Variants in RGS2 observed in about 807,000 individuals in gnomAD.
RGS2 encodes regulator of G protein signaling 2, also known as G0 to G1 switch regulatory 8, 24kD.
In RGS2, 20 loss-of-function variants were observed where a neutral mutation model predicts 26.6. The observed-to-expected ratio is 0.75, with a 90% CI of 0.53 to 1.09. The LOEUF (loss-of-function observed/expected upper bound fraction) is 1.09. RGS2 is among the 50% of genes least tolerant of loss of function. RGS2 has a pLI of 0.00. For missense variants in RGS2, 246 were observed against 245.5 expected (o/e 1.00, Z -0.01); for synonymous variants, 97 against 79.9 (o/e 1.21, Z -1.14).
intron 4 of RGS2, 29 bp from the exon 5 acceptor site, chr1:192,811,373 A>G: frequency 6.4e-7 from 1 of 1,572,340 alleles, no homozygotes; most frequent in Non-Finnish European, 8.7e-7. Context: ...TCTGAATACC[A>G]AATAAACAAC....
At chr1:192,809,277 T>C in intron 1 of RGS2, 96 bp downstream of exon 1, 2 of 894,576 alleles carry the variant, frequency 2.2e-6, no homozygotes, top group African/African-American at 1.6e-5. Context: ...GTTAGGAAAC[T>C]AGCCTGAGCC....
chr1:192,811,387 T>C lies in RGS2; in HGVS notation c.442-15T>C. 1 of 1,596,900 alleles carries C rather than the reference T, an allele frequency of 6.3e-7. No homozygotes were observed. Among genetic ancestry groups the C allele is most frequent in the Non-Finnish European group, 8.6e-7 (1 of 1,166,238 alleles). On this transcript the variant is annotated splice_polypyrimidine_tract_variant and intron_variant, in intron 4 of 4. Coordinates refer to ENST00000235382, the MANE Select transcript of RGS2 (RefSeq NM_002923.4). ...CTCTGAATACCAAATAAACAACTTT[T>C]TTGTTTTATTTCAGATAAACATAGA... is the stretch of plus-strand genomic sequence containing the variant.
In RGS2 at chr1:192,811,053, G is replaced by A; in HGVS notation, c.347G>A (p.Cys116Tyr). The change falls in exon 4 of 5, where the codon TGT becomes TAT. Residue 116 changes from cysteine to tyrosine, a missense_variant. Transcript: ENST00000235382. ...CEENIEFWLA[C>Y]EDFKKTKSPQ... ...GAAAATATTGAATTCTGGCTGGCCT[G>A]TGAAGACTTCAAAAAAACCAAATCA... 1.2e-6 allele frequency: 2 copies of A among 1,614,116 alleles called. No homozygotes were observed. The highest frequency in any genetic ancestry group is 1.7e-6 in the Non-Finnish European group (2 of 1,180,004).
chr1:192,810,248 A>G lies in RGS2; in HGVS notation c.193A>G (p.Lys65Glu), dbSNP rs1214390885. ...GAAGCCCAAAACCGGCAAAAAAAGCAAACAGCAAGCTTTCATCAAGTAAGT... is the reference window on the plus strand; with the variant it reads ...GAAGCCCAAAACCGGCAAAAAAAGCGAACAGCAAGCTTTCATCAAGTAAGT... ...PGKPKTGKKS[K>E]QQAFIKPSPE... The change falls in exon 2 of 5, where the codon AAA (lysine) becomes GAA (glutamate). Residue 65 changes from lysine to glutamate, a missense_variant. Lys to Glu is a moderately conservative substitution (Grantham distance 56, BLOSUM62 1). Transcript: ENST00000235382. 2 of 1,613,966 alleles carry G rather than the reference A, an allele frequency of 1.2e-6. No individual in the cohort carries two copies. The highest frequency in any genetic ancestry group is 1.1e-5 in the South Asian group (1 of 91,084).
At position 192,811,255 on chromosome 1, in the gene RGS2, A is replaced by G. The variant is rs1004700506; in HGVS notation, c.441+108A>G. The G allele has an allele frequency of 8.8e-6, 12 of 1,368,698 alleles. No homozygotes were observed. In the African/African-American group the frequency reaches 1.6e-4, roughly 18 times the overall value. 84.8% of individuals were successfully genotyped at this position (1,368,698 alleles called of 1,614,324 possible). ...GCTAGGAGGGGTAAAAAGTCCCTCC[A>G]CGTTGTAGCTTTCAGTTATGTTAAA... is the stretch of plus-strand genomic sequence containing the variant. On this transcript the variant is annotated intron_variant, in intron 4 of 4. Coordinates refer to ENST00000235382, the MANE Select transcript of RGS2 (RefSeq NM_002923.4).
At chr1:192,810,051 T>G (rs1665558984) in intron 1 of RGS2, 115 bp from the exon 2 acceptor site, 2 of 720,236 alleles carry the variant, frequency 2.8e-6, no homozygotes, top group African/African-American at 1.7e-5. Context: ...TTGCTTTGCC[T>G]TATGCGGTTT....
intron 2 of RGS2, 31 bp from the exon 3 acceptor site, chr1:192,810,339 C>T: frequency 1.2e-6 from 2 of 1,610,164 alleles, no homozygotes; most frequent in South Asian, 2.2e-5. Context: ...CTCTGATGTG[C>T]GTAAGCTAAC....
rs183691150 is a variant in RGS2 at position 192,810,384 on chromosome 1, A to C, written c.227A>C (p.Glu76Ala). 1 of 1,614,210 alleles carries C rather than the reference A, an allele frequency of 6.2e-7. No individual in the cohort carries two copies. The highest frequency in any genetic ancestry group is 2.2e-5 in the East Asian group (1 of 44,880). ...CTCTCTTGCAGGCCTTCTCCTGAGG[A>C]AGCACAGCTGTGGTCAGAAGCATTT... is the stretch of plus-strand genomic sequence containing the variant. ...QQAFIKPSPEEAQLWSEAFDE... is the reference protein window; with the variant it reads ...QQAFIKPSPEAAQLWSEAFDE... Residue 76 changes from glutamate (E) to alanine (A), a missense_variant, in exon 3 of 5, where the codon GAA becomes GCA. Glu to Ala is a moderately radical substitution (Grantham distance 107). Transcript: ENST00000235382.
intron 4 of RGS2, 80 bp downstream of exon 4, chr1:192,811,227 C>T (rs776436392): frequency 2.3e-5 from 35 of 1,551,494 alleles, no homozygotes; most frequent in South Asian, 1.2e-4. Context: ...AAGGACAAAG[C>T]GGGCTAGGAG....
intron 3 of RGS2, 70 bp from the exon 4 acceptor site, chr1:192,810,911 A>G: frequency 2.1e-6 from 3 of 1,399,912 alleles, no homozygotes; most frequent in Non-Finnish European, 3.0e-6. Flanking sequence ...GAGGGATAGG[A>G]GAAACATAAG....
At chr1:192,810,475 G>T in intron 3 of RGS2, 44 bp downstream of exon 3, 1 of 1,576,386 alleles carries the variant, frequency 6.3e-7, no homozygotes, top group Non-Finnish European at 8.7e-7. Context: ...CATCGCAAAA[G>T]CCTGGAAAGG....
In RGS2 at chr1:192,810,168, T is replaced by G. The variant is rs1665561292; in HGVS notation, c.113T>G (p.Leu38Ter). 6.3e-7 allele frequency: 1 copy of G among 1,592,930 alleles called. No homozygotes were observed. Among genetic ancestry groups the G allele is most frequent in the Non-Finnish European group, 8.6e-7 (1 of 1,160,682 alleles). ...EKREKMKRTL[L>*]KDWKTRLSYF... The stretch of plus-strand genomic sequence containing the variant: ...ATCTTTTTAATTTTTTGTTTTAGTT[T>G]AAAAGATTGGAAGACCCGTTTGAGC... The change falls in exon 2 of 5, where the codon TTA becomes TGA. Residue 38 changes from leucine to a stop codon, truncating the protein, a stop_gained and splice_region_variant. Coordinates refer to ENST00000235382, the MANE Select transcript of RGS2 (RefSeq NM_002923.4). LOFTEE classifies it high-confidence loss of function.
rs749978129 is a variant in RGS2, at chr1:192,811,056, A to T, written c.350A>T (p.Glu117Val). Residue 117 changes from glutamate (E) to valine (V), a missense_variant, in exon 4 of 5, where the codon GAA becomes GTA. Physicochemically the swap from Glu to Val is moderately radical, Grantham distance 121 (BLOSUM62 -2). Coordinates refer to ENST00000235382, the MANE Select transcript of RGS2 (RefSeq NM_002923.4). ...EENIEFWLAC[E>V]DFKKTKSPQK... is the part of the protein sequence containing the mutation. ...AATATTGAATTCTGGCTGGCCTGTGAAGACTTCAAAAAAACCAAATCACCC... is the reference window on the plus strand; with the variant it reads ...AATATTGAATTCTGGCTGGCCTGTGTAGACTTCAAAAAAACCAAATCACCC... 1 of 1,614,094 alleles carries T rather than the reference A, an allele frequency of 6.2e-7. No individual in the cohort carries two copies. Among genetic ancestry groups the T allele is most frequent in the Admixed American group, 1.7e-5 (1 of 60,014 alleles).
At chr1:192,809,257 C>T in intron 1 of RGS2, 76 bp downstream of exon 1, 1 of 1,070,604 alleles carries the variant, frequency 9.3e-7, no homozygotes. Context: ...CTTTCGGGCT[C>T]GCCTTTGACG....
Position 192,809,205 on chromosome 1 carries a change from C to G in RGS2, c.110+24C>G, listed in dbSNP as rs369970749. The stretch of plus-strand genomic sequence containing the variant: ...CTGTGAGTATGGCTTTCTTCCCTCT[C>G]CCGCCACCCCCTGCCCCACACTGCA... On this transcript the variant is annotated intron_variant, in intron 1 of 4. Coordinates refer to ENST00000235382, the MANE Select transcript of RGS2 (RefSeq NM_002923.4). 2.6e-5 allele frequency: 39 copies of G among 1,487,616 alleles called. No homozygotes were observed. In the African/African-American group the frequency reaches 5.0e-4, roughly 19 times the overall value. The allele number at this position is 1,487,616 out of a possible 1,614,324, so 92.2% of individuals were successfully genotyped here.
At chr1:192,810,060 T>C (rs1002915741) in intron 1 of RGS2, 106 bp from the exon 2 acceptor site, 1 of 741,724 alleles carries the variant, frequency 1.3e-6, no homozygotes, top group African/African-American at 1.7e-5. Flanking sequence ...CTTATGCGGT[T>C]TGTCTCTAGT....
rs1317312509 is a variant in RGS2, at chr1:192,810,987, TTGC to T, written c.285_287del (p.Ala96del). ...TCTTTTCTCCCCCCTTCAGATGGTC[TTGC>T]TGCATTCAGGGCTTTTTTAAAGTCG... On this transcript the variant is annotated inframe_deletion, in exon 4 of 5. Coordinates refer to ENST00000235382, the MANE Select transcript of RGS2 (RefSeq NM_002923.4). The T allele has an allele frequency of 3.7e-6, 6 of 1,614,016 alleles. No homozygotes were observed. The highest frequency in any genetic ancestry group is 1.7e-5 in the Admixed American group (1 of 60,012).
intron 4 of RGS2, 125 bp from the exon 5 acceptor site, chr1:192,811,277 T>A: frequency 2.3e-6 from 3 of 1,322,368 alleles, no homozygotes; most frequent in Non-Finnish European, 3.2e-6. Flanking sequence ...TCAGTTATGT[T>A]AAAGTTCTCC....
In RGS2 at chr1:192,811,082, C is replaced by G; in HGVS notation, c.376C>G (p.Gln126Glu). The change falls in exon 4 of 5, where the codon CAA becomes GAA. Residue 126 changes from glutamine to glutamate, a missense_variant. Gln to Glu is a conservative substitution (Grantham distance 29). Coordinates refer to ENST00000235382, the MANE Select transcript of RGS2 (RefSeq NM_002923.4). ...AGACTTCAAAAAAACCAAATCACCC[C>G]AAAAGCTGTCCTCAAAAGCAAGGAA... ...CEDFKKTKSP[Q>E]KLSSKARKIY... is the part of the protein sequence containing the mutation. The G allele has an allele frequency of 6.2e-7, 1 of 1,614,098 alleles. No homozygotes were observed. Among genetic ancestry groups the G allele is most frequent in the South Asian group, 1.1e-5 (1 of 91,078 alleles).
Sources: gnomAD v4.1 joint callset for allele counts on GRCh38, gnomAD v4.1.1 for gene constraint, MANE v1.5 for transcripts, NCBI Gene and HGNC (gene_info 2026-07-23, HGNC 2026-07-21) for gene names.